The following SRGAP1 variants were observed in gnomAD, a reference collection of about 807,000 sequenced individuals.
SRGAP1 encodes SLIT-ROBO Rho GTPase activating protein 1.
A neutral mutation model predicts 121.9 loss-of-function variants in SRGAP1; 43 were observed. The ratio of observed to expected loss-of-function variants is 0.35; its 90% CI spans 0.28 to 0.46. SRGAP1 has a LOEUF of 0.46. SRGAP1 is among the 20% of genes least tolerant of loss of function. The pLI is 1.00. For synonymous variants in SRGAP1, 447 were observed against 485.4 expected (o/e 0.92, Z 1.04); for missense variants, 1,102 against 1,350.9 (o/e 0.82, Z 2.89).
At chr12:64,120,068 G>A (rs1170345826) in intron 18 of SRGAP1, among the ~76,000 whole-genome samples, 1 of 152,112 alleles carries the variant, frequency 6.6e-6, no homozygotes, top group African/African-American at 2.4e-5. Flanking sequence ...ACTGTGCCCA[G>A]CCTTTAAATA....
At chr12:63,917,784 A>G (rs1010749222) in intron 1 of SRGAP1, among the ~76,000 whole-genome samples, 13 of 150,376 alleles carry the variant, frequency 8.6e-5, no homozygotes, top group African/African-American at 3.0e-4. Flanking sequence ...GTACACACCA[A>G]TTTCCCACCC....
chr12:63,846,096 A>G (rs980349730), intron 1 of SRGAP1, among the ~76,000 whole-genome samples: 1 of 152,172 alleles, frequency 6.6e-6, no homozygotes, highest in Non-Finnish European at 1.5e-5. Flanking sequence ...AACTTAGGTT[A>G]TCTTTAGGAG....
chr12:63,958,050 GCTT>G (rs1174677453), intron 1 of SRGAP1, among the ~76,000 whole-genome samples: 4 of 141,650 alleles, frequency 2.8e-5, no homozygotes, highest in African/African-American at 1.1e-4. Flanking sequence ...TTTGAAACTA[GCTT>G]CTTTTCTGGC....
rs372757350 is a variant in SRGAP1, at chr12:63,954,341, T to C, written c.68-29606T>C. Among the ~76,000 whole-genome samples, 33 of 152,288 alleles carry C rather than the reference T, an allele frequency of 2.2e-4. 1 individual carries two copies. The highest frequency in any genetic ancestry group is 7.5e-4 in the African/African-American group (31 of 41,564). ...CTAGCAATTTCTAATTTTCTTTTAT[T>C]CTTTGCCTTATTTAAATGGAATTTT... On this transcript the variant is annotated intron_variant, in intron 1 of 21. Coordinates refer to ENST00000355086, the MANE Select transcript of SRGAP1 (RefSeq NM_020762.4).
chr12:64,096,743 C>A (rs181045103), intron 14 of SRGAP1, among the ~76,000 whole-genome samples: 309 of 152,278 alleles, frequency 2.0e-3, no homozygotes, highest in African/African-American at 6.5e-3. Context: ...CACCACCATG[C>A]CACTTTGGGA....
Position 64,154,831 on chromosome 12 carries a change from C to T in SRGAP1, c.*12159C>T. On this transcript the variant is annotated 3_prime_UTR_variant, in exon 22 of 22. Transcript: ENST00000355086. ...GGAAGGTACAGAGCACATAACCAAG[C>T]CCTGGGAAGCCCAGCTTGGGAGAGC... is the stretch of plus-strand genomic sequence containing the variant. 6.6e-6 allele frequency: 1 copy of T among 152,150 alleles called. No homozygotes were observed. Among genetic ancestry groups the T allele is most frequent in the Non-Finnish European group, 1.5e-5 (1 of 68,084 alleles). 9.4% of individuals were successfully genotyped at this position (152,150 alleles called of 1,614,324 possible). A position where few individuals can be genotyped will look rare whatever the true frequency, so the allele number is the denominator to read the frequency against.
intron 1 of SRGAP1, among the ~76,000 whole-genome samples, chr12:63,937,137 T>C (rs1191296279): frequency 1.3e-5 from 2 of 152,188 alleles, no homozygotes; most frequent in Non-Finnish European, 2.9e-5. Context: ...ATGAATCTCA[T>C]GTTGGGATCA....
At chr12:63,926,014 G>T (rs911383564) in intron 1 of SRGAP1, among the ~76,000 whole-genome samples, 62 of 152,116 alleles carry the variant, frequency 4.1e-4, no homozygotes, top group African/African-American at 1.4e-3. Context: ...GGACTGAGGA[G>T]GACCACAACT....
intron 19 of SRGAP1, 32 bp from the exon 20 acceptor site, chr12:64,127,558 A>G: frequency 6.4e-7 from 1 of 1,566,308 alleles, no homozygotes; most frequent in Non-Finnish European, 8.7e-7. Context: ...TAAATCTAGT[A>G]AATTTTGTCT....
chr12:63,949,188 T>TTTTTCCATATATATATA (rs1565964620), intron 1 of SRGAP1, among the ~76,000 whole-genome samples: 16 of 136,588 alleles, frequency 1.2e-4, no homozygotes, highest in African/African-American at 3.8e-4. Context: ...CATATATATT[T>TTTTTCCATATATATATA]TTTTTTCCAT....
intron 1 of SRGAP1, among the ~76,000 whole-genome samples, chr12:63,892,787 A>G (rs1396020626): frequency 6.6e-6 from 1 of 152,208 alleles, no homozygotes; most frequent in Non-Finnish European, 1.5e-5. Flanking sequence ...AAAAGGGCAC[A>G]ATCTAGATGC....
chr12:64,069,024 G>T (rs554005973), intron 8 of SRGAP1, among the ~76,000 whole-genome samples: 1 of 139,786 alleles, frequency 7.2e-6, no homozygotes, highest in African/African-American at 2.6e-5. Flanking sequence ...AAAAAAAAAT[G>T]TGTGTATATA....
chr12:64,142,230 G>T (rs1220399570), intron 21 of SRGAP1, 65 bp from the exon 22 acceptor site: 14 of 1,537,176 alleles, frequency 9.1e-6, no homozygotes, highest in South Asian at 1.2e-5. Context: ...TAAGTGTCTG[G>T]GTTTCTATAC....
chr12:64,027,560 A>G (rs774846730), intron 4 of SRGAP1, among the ~76,000 whole-genome samples: 17 of 152,150 alleles, frequency 1.1e-4, no homozygotes, highest in Non-Finnish European at 2.4e-4. Flanking sequence ...AAAAGCACAA[A>G]GTACATTCAT....
At chr12:63,903,216 CTTGTT>C (rs1474221731) in intron 1 of SRGAP1, among the ~76,000 whole-genome samples, 1 of 151,916 alleles carries the variant, frequency 6.6e-6, no homozygotes, top group Non-Finnish European at 1.5e-5. Flanking sequence ...GTTGTTGTGT[CTTGTT>C]TTGTTTTGTT....
At chr12:63,985,850 G>A (rs2033398784) in intron 2 of SRGAP1, among the ~76,000 whole-genome samples, 1 of 152,148 alleles carries the variant, frequency 6.6e-6, no homozygotes, top group African/African-American at 2.4e-5. Flanking sequence ...ACAACAAGAA[G>A]ACCTGGCTGC....
At chr12:64,027,668 C>T (rs1054508379) in intron 4 of SRGAP1, among the ~76,000 whole-genome samples, 2 of 152,116 alleles carry the variant, frequency 1.3e-5, no homozygotes, top group Admixed American at 6.5e-5. Flanking sequence ...AGAACATAGG[C>T]AGCAAAAGAA....
At position 64,149,476 on chromosome 12, in the gene SRGAP1, A is replaced by T. The variant is rs914812549; in HGVS notation, c.*6804A>T. 6.6e-6 allele frequency: 1 copy of T among 152,170 alleles called. No homozygotes were observed. Among genetic ancestry groups the T allele is most frequent in the Non-Finnish European group, 1.5e-5 (1 of 68,042 alleles). 9.4% of individuals were successfully genotyped at this position (152,170 alleles called of 1,614,324 possible). ...GGAACAAATGCCCAAATCAGTCTGT[A>T]GAGTTGTTCCAGGAAAGACTCCACC... On this transcript the variant is annotated 3_prime_UTR_variant, in exon 22 of 22. Coordinates refer to ENST00000355086, the MANE Select transcript of SRGAP1 (RefSeq NM_020762.4).
chr12:64,043,873 G>A (rs1337905217), intron 6 of SRGAP1, among the ~76,000 whole-genome samples: 1 of 152,116 alleles, frequency 6.6e-6, no homozygotes, highest in South Asian at 2.1e-4. Context: ...TTATGCAGTG[G>A]CACAGCCCTA....
Sources: allele counts gnomAD v4.1 joint callset (sites outside exome capture counted in the v4.1 genomes callset), GRCh38; gene constraint gnomAD v4.1.1; transcripts MANE v1.5; gene names NCBI Gene and HGNC (gene_info 2026-07-23, HGNC 2026-07-21).